The following RPA2 variants were observed in gnomAD, a reference collection of about 807,000 sequenced individuals.
RPA2 encodes the protein replication protein A2.
A neutral mutation model predicts 33.4 loss-of-function variants in RPA2; 22 were observed. The observed-to-expected ratio is 0.66, with a 90% CI of 0.47 to 0.94. The LOEUF (loss-of-function observed/expected upper bound fraction) is 0.94, where lower values mean the gene tolerates loss of function less well. RPA2 is among the 40% of genes least tolerant of loss of function. The pLI, the probability that RPA2 is intolerant of heterozygous loss-of-function variation, is 0.00. For synonymous variants in RPA2, 109 were observed against 114.9 expected, an observed-to-expected ratio of 0.95 and a Z score of 0.33; for missense variants, 279 against 329.9, an observed-to-expected ratio of 0.85 and a Z score of 1.19.
chr1:27,899,261 C>A (rs957324120), intron 4 of RPA2, among the ~76,000 whole-genome samples: 48 of 151,816 alleles, frequency 3.2e-4, no homozygotes, highest in African/African-American at 1.1e-3. Flanking sequence ...GTAATCCCAG[C>A]TCTTTGGGAG....
rs781718215 is a variant in RPA2, at chr1:27,914,118, G to A, written c.62C>T (p.Thr21Met). The change falls in exon 2 of 9, where the codon ACG becomes ATG. Residue 21 changes from threonine to methionine, a missense_variant. By Grantham distance (81) the Thr-to-Met change is moderately conservative. This residue lies in a region of RPA2 where 274 missense variants were observed against 310.3 expected (regional missense o/e 0.88). Coordinates refer to ENST00000373912, the MANE Select transcript of RPA2 (RefSeq NM_002946.5). ...CGATCCAAAGCCCCCCGGGGACTGCGTGTAGCCGCCGGCTCCCCCGTATGA... is the reference window on the plus strand; with the variant it reads ...CGATCCAAAGCCCCCCGGGGACTGCATGTAGCCGCCGGCTCCCCCGTATGA... ...SSSYGGAGGY[T>M]QSPGGFGSPA... 1 of 1,613,358 alleles carries A rather than the reference G, an allele frequency of 6.2e-7. No homozygotes were observed. The highest frequency in any genetic ancestry group is 8.5e-7 in the Non-Finnish European group (1 of 1,179,790).
chr1:27,912,379 A>T (rs2090108309), intron 2 of RPA2, among the ~76,000 whole-genome samples: 2 of 137,126 alleles, frequency 1.5e-5, no homozygotes, highest in East Asian at 4.2e-4. Flanking sequence ...TGCCACCTCT[A>T]AAAAAAAAAA....
At chr1:27,904,512 C>T (rs745480146) in intron 4 of RPA2, among the ~76,000 whole-genome samples, 1 of 152,096 alleles carries the variant, frequency 6.6e-6, no homozygotes, top group Non-Finnish European at 1.5e-5. Context: ...CAAGCACAGT[C>T]TAGTTCAGAA....
At position 27,891,680 on chromosome 1, in the gene RPA2, A is replaced by G. The variant is rs2089825180; in HGVS notation, c.*483T>C. The G allele has an allele frequency of 6.5e-6, 1 of 153,512 alleles. No homozygotes were observed. The highest frequency in any genetic ancestry group is 2.4e-5 in the African/African-American group (1 of 41,494). 9.5% of individuals were successfully genotyped at this position (153,512 alleles called of 1,614,324 possible). A position where few individuals can be genotyped will look rare whatever the true frequency, so the allele number is the denominator to read the frequency against. ...ACACACGTCATGGCAAGTGTGTCAA[A>G]AAGTCATGACAAGCAGGAAAGTGCA... On this transcript the variant is annotated 3_prime_UTR_variant, in exon 9 of 9. Transcript: ENST00000373912.
intron 4 of RPA2, among the ~76,000 whole-genome samples, 165 bp downstream of exon 4, chr1:27,906,763 T>C (rs567076047): frequency 3.3e-5 from 5 of 152,322 alleles, no homozygotes; most frequent in Admixed American, 2.6e-4. Flanking sequence ...TTTTGGTATA[T>C]TGGGAAGGTA....
At chr1:27,897,948 C>T (rs1429246263) in intron 4 of RPA2, among the ~76,000 whole-genome samples, 1 of 152,168 alleles carries the variant, frequency 6.6e-6, no homozygotes, top group East Asian at 1.9e-4. Flanking sequence ...CATAAAAAAG[C>T]AAACAATTGT....
rs778323029 is a variant in RPA2 at position 27,894,149 on chromosome 1, C to G, written c.634-43G>C. ...AAAGATTTTAGCAATTATTTTGGAT[C>G]AGCCTCCCCTTTGCAAACCTGAGTC... On this transcript the variant is annotated intron_variant, in intron 7 of 8. Coordinates refer to ENST00000373912, the MANE Select transcript of RPA2 (RefSeq NM_002946.5). The G allele has an allele frequency of 7.5e-5, 119 of 1,581,112 alleles. 3 individuals are homozygous for G. The South Asian group carries it at 1.3e-3, about 17-fold the overall frequency.
rs2089829659 is a variant in RPA2, at chr1:27,892,004, C to T, written c.*159G>A. Reference sequence around the variant, plus strand: ...GAGCTTCAAACAAAACAAAATAAAACAGAAGAGCAGTAAGTTTCAAAAGGA... The same window carrying T: ...GAGCTTCAAACAAAACAAAATAAAATAGAAGAGCAGTAAGTTTCAAAAGGA... On this transcript the variant is annotated 3_prime_UTR_variant, in exon 9 of 9. Coordinates refer to ENST00000373912, the MANE Select transcript of RPA2 (RefSeq NM_002946.5). 1 of 548,230 alleles carries T rather than the reference C, an allele frequency of 1.8e-6. No individual in the cohort carries two copies. Among genetic ancestry groups the T allele is most frequent in the Admixed American group, 3.1e-5 (1 of 32,742 alleles). 34.0% of individuals were successfully genotyped at this position (548,230 alleles called of 1,614,324 possible).
At chr1:27,903,411 T>G (rs1315872650) in intron 4 of RPA2, among the ~76,000 whole-genome samples, 1 of 152,072 alleles carries the variant, frequency 6.6e-6, no homozygotes, top group African/African-American at 2.4e-5. Flanking sequence ...TGTAAATCTT[T>G]ACAGATAACA....
upstream of RPA2, chr1:27,914,634 A>T (rs544676288): frequency 1.2e-6 from 2 of 1,613,900 alleles, no homozygotes; most frequent in South Asian, 1.1e-5. Flanking sequence ...CACGGATGCT[A>T]CGCTTGTTCC....
chr1:27,911,455 TTC>T (rs2090095682), intron 2 of RPA2, among the ~76,000 whole-genome samples: 1 of 152,196 alleles, frequency 6.6e-6, no homozygotes, highest in South Asian at 2.1e-4. Context: ...CTTTTAGGAA[TTC>T]TGAGATAAAA....
chr1:27,914,042 T>C (rs775321666), intron 2 of RPA2, 21 bp downstream of exon 2: 1 of 1,552,456 alleles, frequency 6.4e-7, no homozygotes, highest in South Asian at 1.2e-5. Flanking sequence ...AAAACAAAAC[T>C]AAATACTCCT....
chr1:27,898,928 C>T (rs2089927000), intron 4 of RPA2, among the ~76,000 whole-genome samples: 1 of 151,952 alleles, frequency 6.6e-6, no homozygotes, highest in African/African-American at 2.4e-5. Flanking sequence ...GAAAATATAT[C>T]GGGGTATATG....
chr1:27,899,400 G>A (rs2089935452), intron 4 of RPA2, among the ~76,000 whole-genome samples: 1 of 151,428 alleles, frequency 6.6e-6, no homozygotes. Flanking sequence ...AGCTACTCGG[G>A]AGGCTGAGGC....
At chr1:27,901,654 C>G (rs1336906864) in intron 4 of RPA2, among the ~76,000 whole-genome samples, 2 of 152,066 alleles carry the variant, frequency 1.3e-5, no homozygotes. Context: ...AGCCACCGCG[C>G]CCAGCCACCA....
chr1:27,897,609 A>G, intron 5 of RPA2, 24 bp downstream of exon 5: 1 of 1,559,222 alleles, frequency 6.4e-7, no homozygotes. Context: ...AAACACTTTA[A>G]CTGTTATTTT....
At chr1:27,903,310 G>A (rs199620722) in intron 4 of RPA2, among the ~76,000 whole-genome samples, 55 of 49,498 alleles carry the variant, frequency 1.1e-3, no homozygotes, top group Non-Finnish European at 1.8e-3. Flanking sequence ...CGACTGAAAA[G>A]AAGTTAAATG....
intron 8 of RPA2, 136 bp from the exon 9 acceptor site, chr1:27,892,383 G>T: frequency 1.5e-6 from 1 of 664,270 alleles, no homozygotes; most frequent in Non-Finnish European, 2.6e-6. Context: ...CAAGTATTCT[G>T]CACATAGAAA....
chr1:27,892,294 G>C (rs1462802317), intron 8 of RPA2, 47 bp from the exon 9 acceptor site: 1 of 1,499,122 alleles, frequency 6.7e-7, no homozygotes, highest in East Asian at 2.3e-5. Context: ...GGCCAATTCA[G>C]AAGGAAACTG....
Sources: gnomAD v4.1 joint callset for allele counts (sites outside exome capture counted in the v4.1 genomes callset) on GRCh38, gnomAD v4.1.1 for gene constraint, gnomAD v4.1.1 regional missense constraint, MANE v1.5 for transcripts, NCBI Gene and HGNC (gene_info 2026-07-23, HGNC 2026-07-21) for gene names.